ZFYVE28: variants seen among roughly 807,000 people sequenced by gnomAD.
The protein encoded by ZFYVE28 is lateral signaling target protein 2 homolog.
Under a neutral mutation model 82.1 loss-of-function variants are expected in ZFYVE28, and 40 were observed. The observed-to-expected ratio is 0.49, with a 90% CI of 0.38 to 0.63. ZFYVE28 has a LOEUF of 0.63. ZFYVE28 is among the 30% of genes least tolerant of loss of function. ZFYVE28 has a pLI of 0.00. For missense variants in ZFYVE28, 1,321 were observed against 1,242.1 expected (o/e 1.06, Z -0.96); for synonymous variants, 612 against 546.1 (o/e 1.12, Z -1.68).
rs1735907594 is a variant in ZFYVE28 at position 2,271,530 on chromosome 4, C to T, written c.2429-116G>A. The T allele has an allele frequency of 4.2e-6, 6 of 1,431,690 alleles. No individual in the cohort carries two copies. The South Asian group carries it at 5.9e-5, about 14-fold the overall frequency. The allele number at this position is 1,431,690 out of a possible 1,614,324, so 88.7% of individuals were successfully genotyped here. A position where few individuals can be genotyped will look rare whatever the true frequency, so the allele number is the denominator to read the frequency against. On this transcript the variant is annotated intron_variant, in intron 11 of 12. Coordinates refer to ENST00000290974, the MANE Select transcript of ZFYVE28 (RefSeq NM_020972.3). The stretch of plus-strand genomic sequence containing the variant: ...GACTGCCAAGCCGCCTGGCCTCCAG[C>T]CAGCCTCCGGGGGGGCGGTCTCCCA...
chr4:2,280,827 C>T (rs750980765), intron 8 of ZFYVE28, among the ~76,000 whole-genome samples: 12 of 152,216 alleles, frequency 7.9e-5, no homozygotes, highest in South Asian at 2.1e-4. Context: ...AGCTCCAGCC[C>T]CTTGGACCAA....
intron 7 of ZFYVE28, among the ~76,000 whole-genome samples, chr4:2,313,757 T>C (rs1185704234): frequency 6.6e-6 from 1 of 151,552 alleles, no homozygotes; most frequent in East Asian, 1.9e-4. Context: ...ATCAGGAGAA[T>C]TGCTTGAGCC....
intron 8 of ZFYVE28, among the ~76,000 whole-genome samples, chr4:2,277,304 A>T (rs975592897): frequency 6.6e-6 from 1 of 151,974 alleles, no homozygotes; most frequent in Non-Finnish European, 1.5e-5. Flanking sequence ...ACACGGTGAA[A>T]CCCCGTCTCT....
At chr4:2,338,572 AAC>A (rs1397682849) in intron 4 of ZFYVE28, among the ~76,000 whole-genome samples, 1 of 152,186 alleles carries the variant, frequency 6.6e-6, no homozygotes, top group Non-Finnish European at 1.5e-5. Context: ...CAGCCTGGGC[AAC>A]AGAGTGAGAC....
In ZFYVE28 at chr4:2,374,850, G is replaced by A. The variant is rs144927346; in HGVS notation, c.40-20777C>T. On this transcript the variant is annotated intron_variant, in intron 1 of 12. Coordinates refer to ENST00000290974, the MANE Select transcript of ZFYVE28 (RefSeq NM_020972.3). ...TAGAAAGTTCTTAGGACATATCTTTGTACCCAGCCCCACATGCCACATTCG... is the reference window on the plus strand; with the variant it reads ...TAGAAAGTTCTTAGGACATATCTTTATACCCAGCCCCACATGCCACATTCG... Among the ~76,000 whole-genome samples, 645 of 152,244 alleles carry A rather than the reference G, an allele frequency of 4.2e-3. 7 individuals are homozygous for A. Among genetic ancestry groups the A allele is most frequent in the African/African-American group, 0.015 (616 of 41,542 alleles).
chr4:2,270,653 C>A lies in ZFYVE28; in HGVS notation c.*72G>T, dbSNP rs908363235. On this transcript the variant is annotated 3_prime_UTR_variant, in exon 13 of 13. Transcript: ENST00000290974. ...GCGGCCTCATGAGACGCAGTGAGAC[C>A]TGCCTGCAGCGTGGCCCCACCTTCC... 7 of 1,598,896 alleles carry A rather than the reference C, an allele frequency of 4.4e-6. No individual in the cohort carries two copies. The African/African-American group carries it at 9.4e-5, about 21-fold the overall frequency.
At chr4:2,365,689 G>C (rs1364433272) in intron 1 of ZFYVE28, among the ~76,000 whole-genome samples, 1 of 152,172 alleles carries the variant, frequency 6.6e-6, no homozygotes, top group Non-Finnish European at 1.5e-5. Flanking sequence ...CCTGGGTTCT[G>C]TGCCTGGAGC....
chr4:2,375,428 C>A (rs1728021263), intron 1 of ZFYVE28, among the ~76,000 whole-genome samples: 2 of 152,222 alleles, frequency 1.3e-5, no homozygotes, highest in Non-Finnish European at 2.9e-5. Context: ...TGCTGGACAG[C>A]AGTGGCTCAC....
rs1553856593 is a variant in ZFYVE28, at chr4:2,368,226, A to AAAAAAAAAC, written c.40-14154_40-14153insGTTTTTTTT. On this transcript the variant is annotated intron_variant, in intron 1 of 12. Transcript: ENST00000290974. ...CACATCTCTACAAAAAAAAAAAAAA[A>AAAAAAAAAC]AAAACACTGTATCTACACACAAAAG... Among the ~76,000 whole-genome samples, 520 of 150,096 alleles carry AAAAAAAAAC rather than the reference A, an allele frequency of 3.5e-3. 6 individuals carry two copies. The highest frequency in any genetic ancestry group is 0.012 in the African/African-American group (500 of 40,544).
intron 2 of ZFYVE28, among the ~76,000 whole-genome samples, chr4:2,350,359 G>A (rs1290839591): frequency 1.3e-5 from 2 of 152,066 alleles, no homozygotes; most frequent in Non-Finnish European, 2.9e-5. Context: ...AGCTACTCGG[G>A]AGGCTGAGGC....
At position 2,339,272 on chromosome 4, in the gene ZFYVE28, C is replaced by T. The variant is rs1722362086; in HGVS notation, c.521+181G>A. On this transcript the variant is annotated intron_variant, in intron 4 of 12. Coordinates refer to ENST00000290974, the MANE Select transcript of ZFYVE28 (RefSeq NM_020972.3). This position sits in a 1 kb window ranked among gnomAD's most constrained non-coding sequence, Gnocchi z 5.0. The stretch of plus-strand genomic sequence containing the variant: ...GCTCACCCCACTCCCTGGAAAGATG[C>T]CCCACCTCACCTCCACGCTATGCTC... 6.6e-6 allele frequency among the ~76,000 whole-genome samples: 1 copy of T among 152,192 alleles called. No homozygotes were observed. Among genetic ancestry groups the T allele is most frequent in the Non-Finnish European group, 1.5e-5 (1 of 68,024 alleles).
intron 8 of ZFYVE28, among the ~76,000 whole-genome samples, chr4:2,277,305 C>A (rs921409274): frequency 1.3e-5 from 2 of 152,036 alleles, no homozygotes; most frequent in South Asian, 4.1e-4. Flanking sequence ...CACGGTGAAA[C>A]CCCGTCTCTA....
intron 8 of ZFYVE28, among the ~76,000 whole-genome samples, chr4:2,276,646 G>T (rs1057129339): frequency 6.6e-6 from 1 of 152,182 alleles, no homozygotes; most frequent in South Asian, 2.1e-4. Context: ...AGGAAATTCG[G>T]ATCTAGGCTA....
At chr4:2,370,256 G>A (rs557514096) in intron 1 of ZFYVE28, among the ~76,000 whole-genome samples, 22 of 152,222 alleles carry the variant, frequency 1.4e-4, no homozygotes, top group Admixed American at 3.9e-4. Flanking sequence ...GTCCCACAGC[G>A]GAGAGAAGGG....
chr4:2,402,486 A>G (rs1401271397), intron 1 of ZFYVE28, among the ~76,000 whole-genome samples: 2 of 152,222 alleles, frequency 1.3e-5, no homozygotes, highest in Admixed American at 1.3e-4. Flanking sequence ...AACAGCGGCA[A>G]AAACTAGCAG....
intron 1 of ZFYVE28, among the ~76,000 whole-genome samples, chr4:2,371,391 A>G (rs1033145879): frequency 1.3e-5 from 2 of 152,254 alleles, no homozygotes; most frequent in Non-Finnish European, 2.9e-5. Flanking sequence ...CGATTCCATC[A>G]TTCTTTAAAA....
At chr4:2,321,148 G>A (rs1033757076) in intron 6 of ZFYVE28, among the ~76,000 whole-genome samples, 5 of 151,966 alleles carry the variant, frequency 3.3e-5, no homozygotes, top group African/African-American at 9.7e-5. Context: ...CCACGAATTC[G>A]TCCCCTGTCC....
intron 1 of ZFYVE28, among the ~76,000 whole-genome samples, chr4:2,360,693 T>G (rs1312098413): frequency 6.6e-6 from 1 of 152,204 alleles, no homozygotes; most frequent in Admixed American, 6.5e-5. Context: ...TCTATCCTGA[T>G]TAACAGAATC....
intron 8 of ZFYVE28, among the ~76,000 whole-genome samples, chr4:2,275,911 G>A (rs1445468640): frequency 1.3e-5 from 2 of 152,328 alleles, no homozygotes; most frequent in East Asian, 1.9e-4. Flanking sequence ...CAATGGAATG[G>A]AAGACCCACC....
Sources: allele counts gnomAD v4.1 joint callset (sites outside exome capture counted in the v4.1 genomes callset), GRCh38; gene constraint gnomAD v4.1.1; non-coding constraint Gnocchi (gnomAD v3.1); transcripts MANE v1.5; gene names NCBI Gene and HGNC (gene_info 2026-07-23, HGNC 2026-07-21).